STPG2: variants seen among roughly 807,000 people sequenced by gnomAD.
STPG2 encodes the protein sperm-tail PG-rich repeat-containing protein 2.
In STPG2, 56 loss-of-function variants were observed where a neutral mutation model predicts 54.2. The observed-to-expected ratio is 1.03, with a 90% CI of 0.83 to 1.29. The LOEUF (loss-of-function observed/expected upper bound fraction) is 1.29. STPG2 is among the 50% of genes most tolerant of loss of function. The pLI is 0.00. For missense variants in STPG2, 596 were observed against 544.9 expected, an observed-to-expected ratio of 1.09 and a Z score of -0.93; for synonymous variants, 200 against 181.8, an observed-to-expected ratio of 1.10 and a Z score of -0.81.
chr4:97,734,920 A>G (rs188106042), intron 9 of STPG2, among the ~76,000 whole-genome samples: 2 of 152,134 alleles, frequency 1.3e-5, no homozygotes, highest in East Asian at 1.9e-4. Flanking sequence ...AAAATACAAA[A>G]AAATTAGCTG....
chr4:97,832,617 C>T (rs1160343430), intron 9 of STPG2, among the ~76,000 whole-genome samples: 2 of 152,118 alleles, frequency 1.3e-5, no homozygotes, highest in Admixed American at 6.5e-5. Flanking sequence ...AAAACCCCAT[C>T]GTCTCAGCCC....
chr4:98,070,734 G>A (rs1204766985), intron 5 of STPG2, among the ~76,000 whole-genome samples: 1 of 151,942 alleles, frequency 6.6e-6, no homozygotes, highest in Non-Finnish European at 1.5e-5. Context: ...CAAGCAGAGA[G>A]CCAAATCATG....
intron 5 of STPG2, among the ~76,000 whole-genome samples, chr4:98,003,876 A>T (rs1427949393): frequency 5.3e-5 from 8 of 152,110 alleles, no homozygotes; most frequent in Non-Finnish European, 7.4e-5. Flanking sequence ...GAAGTATAAT[A>T]GACAAATTTT....
At chr4:97,460,506 T>A (rs1308577027) in intron 4 of STPG2, among the ~76,000 whole-genome samples, 1 of 152,142 alleles carries the variant, frequency 6.6e-6, no homozygotes, top group East Asian at 1.9e-4. Flanking sequence ...CTAAGATTAT[T>A]TTGTGCATCT....
intron 5 of STPG2, among the ~76,000 whole-genome samples, chr4:98,051,958 A>T (rs1422703473): frequency 6.6e-6 from 1 of 151,938 alleles, no homozygotes; most frequent in African/African-American, 2.4e-5. Flanking sequence ...GTGGTGGTGC[A>T]AGCCTATAAT....
At chr4:97,999,605 A>T (rs1310042246) in intron 5 of STPG2, among the ~76,000 whole-genome samples, 2 of 152,164 alleles carry the variant, frequency 1.3e-5, no homozygotes, top group Non-Finnish European at 2.9e-5. Flanking sequence ...AGGCTGAGGC[A>T]TGAGAATCGC....
chr4:97,553,798 G>T (rs1560657077), intron 4 of STPG2, among the ~76,000 whole-genome samples: 1 of 152,094 alleles, frequency 6.6e-6, no homozygotes, highest in Non-Finnish European at 1.5e-5. Flanking sequence ...TCTTTGGTTT[G>T]GACTATTCAA....
At chr4:97,891,465 GCTTTATTT>G (rs1377045825) in intron 8 of STPG2, among the ~76,000 whole-genome samples, 3 of 151,642 alleles carry the variant, frequency 2.0e-5, no homozygotes, top group Non-Finnish European at 2.9e-5. Flanking sequence ...AAGAAATAAA[GCTTTATTT>G]ACCAAAGCAG....
intron 9 of STPG2, among the ~76,000 whole-genome samples, chr4:97,747,723 G>A (rs116746068): frequency 0.01 from 1,538 of 151,388 alleles, 26 homozygotes; most frequent in African/African-American, 0.035. Context: ...TCAAGACAAA[G>A]CGTGCATTTT....
intron 8 of STPG2, among the ~76,000 whole-genome samples, chr4:97,844,216 T>A (rs1728882319): frequency 6.6e-6 from 1 of 151,942 alleles, no homozygotes; most frequent in Non-Finnish European, 1.5e-5. Flanking sequence ...TAGGTTCTGA[T>A]CTTCAAAAAC....
chr4:98,041,778 A>G (rs949813231), intron 5 of STPG2, among the ~76,000 whole-genome samples: 5 of 151,862 alleles, frequency 3.3e-5, no homozygotes, highest in Non-Finnish European at 7.4e-5. Context: ...CATCAGAGAT[A>G]TTGTTCTGTA....
intron 10 of STPG2, among the ~76,000 whole-genome samples, chr4:97,655,342 A>G (rs1304263176): frequency 1.3e-5 from 2 of 152,018 alleles, no homozygotes; most frequent in Non-Finnish European, 2.9e-5. Flanking sequence ...AAATGGTGGG[A>G]AAGGGACTAA....
At chr4:97,906,438 C>T (rs1731424968) in intron 8 of STPG2, among the ~76,000 whole-genome samples, 1 of 152,156 alleles carries the variant, frequency 6.6e-6, no homozygotes, top group East Asian at 1.9e-4. Context: ...ACCAGAGGTA[C>T]AAGGAGGAGC....
At chr4:97,456,912 T>TAAAAAAAA (rs1166086887) in intron 4 of STPG2, among the ~76,000 whole-genome samples, 4 of 97,204 alleles carry the variant, frequency 4.1e-5, no homozygotes, top group African/African-American at 2.8e-4. Context: ...AAAAGAAAAT[T>TAAAAAAAA]AAAAAAAAAA....
chr4:97,900,799 G>T (rs764411975), intron 8 of STPG2, among the ~76,000 whole-genome samples: 4 of 152,096 alleles, frequency 2.6e-5, no homozygotes, highest in Non-Finnish European at 4.4e-5. Context: ...GGAAGGAAAG[G>T]AGCAGAAAAG....
intron 8 of STPG2, among the ~76,000 whole-genome samples, chr4:97,878,842 T>C (rs1227341921): frequency 6.6e-6 from 1 of 152,196 alleles, no homozygotes; most frequent in Non-Finnish European, 1.5e-5. Flanking sequence ...GGTTTTTCTT[T>C]TCTATTGCTT....
At chr4:97,929,923 C>T (rs188305746) in intron 8 of STPG2, among the ~76,000 whole-genome samples, 28 of 152,054 alleles carry the variant, frequency 1.8e-4, no homozygotes, top group African/African-American at 5.8e-4. Flanking sequence ...TGTTTTGACA[C>T]GGAGTTTTAC....
chr4:98,142,420 T>A (rs536471666), intron 1 of STPG2, among the ~76,000 whole-genome samples: 1 of 152,144 alleles, frequency 6.6e-6, no homozygotes, highest in Non-Finnish European at 1.5e-5. Context: ...AGTCACTAAC[T>A]GCAAACAAAC....
intron 5 of STPG2, among the ~76,000 whole-genome samples, chr4:98,100,737 G>C (rs1478489912): frequency 3.5e-5 from 5 of 144,196 alleles, no homozygotes; most frequent in African/African-American, 1.3e-4. Flanking sequence ...GTGCAGTGGT[G>C]CAATCTCGGC....
Sources: gnomAD v4.1 joint callset for allele counts (sites outside exome capture counted in the v4.1 genomes callset) on GRCh38, gnomAD v4.1.1 for gene constraint, MANE v1.5 for transcripts, NCBI Gene and HGNC (gene_info 2026-07-23, HGNC 2026-07-21) for gene names.